Variants in STARD3NL observed in about 807,000 individuals in gnomAD.
STARD3NL encodes the protein STARD3 N-terminal like, also known as STARD3 N-terminal-like protein.
STARD3NL carries 17 observed loss-of-function variants against 30.9 expected under a neutral mutation model. That is an observed-to-expected ratio of 0.55 (90% CI 0.38 to 0.82). STARD3NL has a LOEUF of 0.82. Ranked by LOEUF, STARD3NL falls within the 40% of genes least tolerant of loss-of-function variation. The probability of loss-of-function intolerance (pLI) is 0.00; values close to 1 mark genes in which losing one functional copy is unlikely to be tolerated. For missense variants in STARD3NL, 234 were observed against 277.6 expected (o/e 0.84, Z 1.12); for synonymous variants, 112 against 100.5 (o/e 1.11, Z -0.69).
In STARD3NL at chr7:38,223,272, A is replaced by G. The variant is rs181591657; in HGVS notation, c.649+3612A>G. Among the ~76,000 whole-genome samples the G allele has an allele frequency of 3.0e-3, 450 of 152,332 alleles. 3 individuals carry two copies. The highest frequency in any genetic ancestry group is 0.014 in the Middle Eastern group (4 of 294). Reference sequence around the variant, plus strand: ...ATTAGATATACTTGTAAAGGATATAAAAATAGTTTGTTTGCAGGCTTGCTT... The same window carrying G: ...ATTAGATATACTTGTAAAGGATATAGAAATAGTTTGTTTGCAGGCTTGCTT... On this transcript the variant is annotated intron_variant, in intron 7 of 8. Transcript: ENST00000009041.
At chr7:38,200,443 A>C (rs999466823) in intron 1 of STARD3NL, among the ~76,000 whole-genome samples, 1 of 121,506 alleles carries the variant, frequency 8.2e-6, no homozygotes, top group South Asian at 3.2e-4. Flanking sequence ...CTCAGGCTAA[A>C]CGTTCTATGT....
At chr7:38,187,990 C>G (rs11766312) in intron 1 of STARD3NL, among the ~76,000 whole-genome samples, 64,489 of 151,990 alleles carry the variant, frequency 0.42, 14,054 homozygotes, top group East Asian at 0.5. Flanking sequence ...TTCTCATCCC[C>G]TCTACTGCCC....
At chr7:38,178,914 G>A (rs563272271) in intron 1 of STARD3NL, among the ~76,000 whole-genome samples, 1 of 151,918 alleles carries the variant, frequency 6.6e-6, no homozygotes, top group Non-Finnish European at 1.5e-5. Flanking sequence ...TCTCCCTGTG[G>A]TTTCAGTTAA....
chr7:38,192,354 A>G (rs1169956562), intron 1 of STARD3NL, among the ~76,000 whole-genome samples: 1 of 152,196 alleles, frequency 6.6e-6, no homozygotes, highest in Non-Finnish European at 1.5e-5. Context: ...ATGTAATTAT[A>G]GAGGTCTGTG....
At chr7:38,184,769 C>T (rs954811167) in intron 1 of STARD3NL, among the ~76,000 whole-genome samples, 2 of 144,316 alleles carry the variant, frequency 1.4e-5, no homozygotes, top group Non-Finnish European at 3.0e-5. Flanking sequence ...AACTTGCTCT[C>T]AAATAATGCA....
At chr7:38,188,653 G>T (rs574134574) in intron 1 of STARD3NL, among the ~76,000 whole-genome samples, 1 of 152,098 alleles carries the variant, frequency 6.6e-6, no homozygotes. Context: ...TATGAAGTGC[G>T]GTTCTTAAAC....
At chr7:38,216,933 C>A in intron 4 of STARD3NL, 92 bp from the exon 5 acceptor site, 1 of 1,487,694 alleles carries the variant, frequency 6.7e-7, no homozygotes, top group Non-Finnish European at 9.3e-7. Context: ...GCCTTGCCTG[C>A]TCCTGGCTCA....
intron 1 of STARD3NL, among the ~76,000 whole-genome samples, chr7:38,203,281 T>C (rs1785276698): frequency 6.6e-6 from 1 of 152,152 alleles, no homozygotes; most frequent in Admixed American, 6.5e-5. Context: ...TAACAGCTGA[T>C]CTCTCGGCAG....
intron 7 of STARD3NL, among the ~76,000 whole-genome samples, chr7:38,221,815 G>A (rs1786480115): frequency 6.6e-6 from 1 of 152,196 alleles, no homozygotes; most frequent in South Asian, 2.1e-4. Context: ...CTGGTGTGCT[G>A]TTCATAGCTC....
At chr7:38,196,381 T>C (rs1383926335) in intron 1 of STARD3NL, among the ~76,000 whole-genome samples, 1 of 152,202 alleles carries the variant, frequency 6.6e-6, no homozygotes, top group Non-Finnish European at 1.5e-5. Context: ...ATTGCTTGGC[T>C]TGTGAGCTAT....
chr7:38,222,731 A>G (rs12155411), intron 7 of STARD3NL, among the ~76,000 whole-genome samples: 130,935 of 152,172 alleles, frequency 0.86, 56,802 homozygotes, highest in African/African-American at 0.97. Flanking sequence ...AGGTAAACAA[A>G]AACAAAACAT....
chr7:38,213,931 G>A (rs371602848), intron 2 of STARD3NL, among the ~76,000 whole-genome samples: 6 of 152,314 alleles, frequency 3.9e-5, no homozygotes, highest in African/African-American at 7.2e-5. Flanking sequence ...CATCATTGAC[G>A]TTTGCCCGGA....
At chr7:38,193,029 A>T (rs887180608) in intron 1 of STARD3NL, among the ~76,000 whole-genome samples, 59 of 152,088 alleles carry the variant, frequency 3.9e-4, no homozygotes, top group African/African-American at 1.3e-3. Flanking sequence ...TCTCTTTCAG[A>T]ATAAGAGACT....
intron 1 of STARD3NL, among the ~76,000 whole-genome samples, chr7:38,194,142 A>T (rs1165251616): frequency 6.6e-6 from 1 of 152,102 alleles, no homozygotes; most frequent in South Asian, 2.1e-4. Flanking sequence ...TTTCCAGAGT[A>T]TTGACTTTAG....
intron 1 of STARD3NL, among the ~76,000 whole-genome samples, chr7:38,200,543 G>T (rs974671862): frequency 6.6e-6 from 1 of 151,990 alleles, no homozygotes; most frequent in African/African-American, 2.4e-5. Context: ...ACTCAACAAT[G>T]AAATGAGTCA....
chr7:38,203,585 AC>A (rs1272952042), intron 1 of STARD3NL, among the ~76,000 whole-genome samples: 5 of 152,180 alleles, frequency 3.3e-5, no homozygotes, highest in African/African-American at 1.2e-4. Flanking sequence ...GAGCAAAATA[AC>A]CAGCTAACAT....
chr7:38,191,401 T>C (rs1007262083), intron 1 of STARD3NL, among the ~76,000 whole-genome samples: 4 of 152,250 alleles, frequency 2.6e-5, no homozygotes, highest in Non-Finnish European at 5.9e-5. Context: ...AGCCCCTTCA[T>C]GACAGCCTAC....
rs754889400 is a variant in STARD3NL, at chr7:38,215,105, G to A, written c.381G>A (p.Ala127=). Residue 127 remains alanine, a splice_region_variant and synonymous_variant, in exon 4 of 9, where the codon GCG becomes GCA. Coordinates refer to ENST00000009041, the MANE Select transcript of STARD3NL (RefSeq NM_032016.4). ...GACTGCGCCATTGGTGGGCAATAGC[G>A]GTGAGTATGCCCTGCATGAGTGGGT... ...VCRLRHWWAI[A]LTTAVTSAFL... 11 of 1,613,776 alleles carry A rather than the reference G, an allele frequency of 6.8e-6. No homozygotes were observed. Among genetic ancestry groups the A allele is most frequent in the South Asian group, 2.2e-5 (2 of 91,076 alleles).
At chr7:38,219,529 ACCTCATTC>A in intron 6 of STARD3NL, 28 bp from the exon 7 acceptor site, 1 of 1,487,982 alleles carries the variant, frequency 6.7e-7, no homozygotes, top group Non-Finnish European at 9.3e-7. Context: ...CAGAAAGGTG[ACCTCATTC>A]CCAACATCTG....
Sources: allele counts gnomAD v4.1 joint callset (sites outside exome capture counted in the v4.1 genomes callset), GRCh38; gene constraint gnomAD v4.1.1; transcripts MANE v1.5; gene names NCBI Gene and HGNC (gene_info 2026-07-23, HGNC 2026-07-21).